Variants in PRKN observed in about 807,000 individuals in gnomAD.
PRKN encodes the protein parkin RBR E3 ubiquitin protein ligase.
A neutral mutation model predicts 59.5 loss-of-function variants in PRKN; 56 were observed. That is an observed-to-expected ratio of 0.94 (90% CI 0.76 to 1.18). PRKN has a LOEUF of 1.18. PRKN is among the 50% of genes most tolerant of loss of function. The probability of loss-of-function intolerance (pLI) is 0.00; values close to 1 mark genes in which losing one functional copy is unlikely to be tolerated. For synonymous variants in PRKN, 250 were observed against 222.1 expected, an observed-to-expected ratio of 1.13 and a Z score of -1.12; for missense variants, 657 against 596.4, an observed-to-expected ratio of 1.10 and a Z score of -1.06.
At chr6:162,227,367 T>C (rs931540400) in intron 3 of PRKN, among the ~76,000 whole-genome samples, 1 of 152,182 alleles carries the variant, frequency 6.6e-6, no homozygotes, top group Non-Finnish European at 1.5e-5. Flanking sequence ...TTATCTGGAA[T>C]AATTTAGCTA....
At chr6:162,557,139 A>T (rs1250480449) in intron 1 of PRKN, among the ~76,000 whole-genome samples, 1 of 152,220 alleles carries the variant, frequency 6.6e-6, no homozygotes, top group African/African-American at 2.4e-5. Context: ...CTTTTGCCCA[A>T]TGTGAACATC....
intron 1 of PRKN, among the ~76,000 whole-genome samples, chr6:162,540,360 AC>A (rs1778880294): frequency 6.6e-6 from 1 of 152,014 alleles, no homozygotes; most frequent in Admixed American, 6.6e-5. Flanking sequence ...CTCCTAAGCC[AC>A]CATGCCCGGC....
intron 6 of PRKN, among the ~76,000 whole-genome samples, chr6:161,818,934 CT>C (rs1791904158): frequency 6.6e-6 from 1 of 151,254 alleles, no homozygotes. Context: ...TGAAGAGGGC[CT>C]TATCCATCTA....
intron 6 of PRKN, among the ~76,000 whole-genome samples, chr6:161,841,421 C>G (rs1482963106): frequency 6.6e-6 from 1 of 151,648 alleles, no homozygotes; most frequent in Non-Finnish European, 1.5e-5. Context: ...GTAATCTCTG[C>G]TCACAGTAAA....
At chr6:161,720,976 G>A (rs948628646) in intron 7 of PRKN, among the ~76,000 whole-genome samples, 2 of 152,068 alleles carry the variant, frequency 1.3e-5, no homozygotes, top group African/African-American at 4.8e-5. Flanking sequence ...TAAAGCTTTT[G>A]GACTTAGGCT....
intron 1 of PRKN, among the ~76,000 whole-genome samples, chr6:162,531,251 G>A (rs1270617355): frequency 1.3e-5 from 2 of 151,912 alleles, no homozygotes; most frequent in African/African-American, 2.4e-5. Flanking sequence ...CCAGCTACTC[G>A]GGAGGCTGAG....
At chr6:162,705,655 A>G (rs192942082) in intron 1 of PRKN, among the ~76,000 whole-genome samples, 120 of 152,336 alleles carry the variant, frequency 7.9e-4, no homozygotes, top group Non-Finnish European at 2.1e-4. Flanking sequence ...AATAGCTCAT[A>G]AAGTTTACAA....
chr6:161,461,584 A>G lies in PRKN; in HGVS notation c.1084-74707T>C, dbSNP rs1256628785. On this transcript the variant is annotated intron_variant, in intron 9 of 11. Coordinates refer to ENST00000366898, the MANE Select transcript of PRKN (RefSeq NM_004562.3). The surrounding 1 kb of genome is among the most constrained non-coding windows in gnomAD (Gnocchi z 5.1). The stretch of plus-strand genomic sequence containing the variant: ...ATGCAGGAATCACTGGCCTTCTGGA[A>G]TCAATCAGTTATCAGTCAGCCACTG... Among the ~76,000 whole-genome samples the G allele has an allele frequency of 1.3e-5, 2 of 152,124 alleles. No individual in the cohort carries two copies. The highest frequency in any genetic ancestry group is 2.9e-5 in the Non-Finnish European group (2 of 68,030).
At chr6:162,330,535 C>T (rs1358355925) in intron 2 of PRKN, among the ~76,000 whole-genome samples, 1 of 152,190 alleles carries the variant, frequency 6.6e-6, no homozygotes, top group African/African-American at 2.4e-5. Flanking sequence ...TTGAGTCTGT[C>T]ACTCAGGGCA....
intron 5 of PRKN, among the ~76,000 whole-genome samples, chr6:162,002,221 G>A (rs1416204777): frequency 6.6e-6 from 1 of 152,128 alleles, no homozygotes; most frequent in African/African-American, 2.4e-5. Flanking sequence ...GAAAGAGATT[G>A]TATAGAACTG....
At chr6:162,648,447 T>A (rs1008979791) in intron 1 of PRKN, among the ~76,000 whole-genome samples, 1 of 150,962 alleles carries the variant, frequency 6.6e-6, no homozygotes. Flanking sequence ...AGTGGTGCCA[T>A]CTTGACTCAC....
rs10214520 is a variant in PRKN, at chr6:161,429,532, T to A, written c.1084-42655A>T. On this transcript the variant is annotated intron_variant, in intron 9 of 11. Transcript: ENST00000366898. This position sits in a 1 kb window ranked among gnomAD's most constrained non-coding sequence, Gnocchi z 4.2. Reference sequence around the variant, plus strand: ...CTAGGATGTTGCTAGAAGAAGGAAATGGAAGCAAGTTCCAGAGCTCAGAAA... The same window carrying A: ...CTAGGATGTTGCTAGAAGAAGGAAAAGGAAGCAAGTTCCAGAGCTCAGAAA... 0.012 allele frequency among the ~76,000 whole-genome samples: 1,765 copies of A among 152,078 alleles called. 27 individuals are homozygous for A. Among genetic ancestry groups the A allele is most frequent in the African/African-American group, 0.039 (1,636 of 41,446 alleles).
Position 161,371,272 on chromosome 6 carries a change from C to G in PRKN, c.1168-11067G>C, listed in dbSNP as rs948053170. 6.6e-6 allele frequency among the ~76,000 whole-genome samples: 1 copy of G among 151,688 alleles called. No individual in the cohort carries two copies. The highest frequency in any genetic ancestry group is 2.4e-5 in the African/African-American group (1 of 41,250). The stretch of plus-strand genomic sequence containing the variant: ...CTCCACCTCCTGGGTTCAAATGATT[C>G]TGCTGCCTCGGCCTCTCAAGTAGCT... On this transcript the variant is annotated intron_variant, in intron 10 of 11. Coordinates refer to ENST00000366898, the MANE Select transcript of PRKN (RefSeq NM_004562.3). The surrounding 1 kb of genome is among the most constrained non-coding windows in gnomAD (Gnocchi z 5.5).
At chr6:162,722,156 T>C (rs1353242368) in intron 1 of PRKN, among the ~76,000 whole-genome samples, 1 of 152,144 alleles carries the variant, frequency 6.6e-6, no homozygotes, top group Admixed American at 6.6e-5. Flanking sequence ...ATACAACCTA[T>C]GTGTACCCAT....
intron 1 of PRKN, among the ~76,000 whole-genome samples, chr6:162,531,448 G>A (rs1282731309): frequency 6.6e-6 from 1 of 152,138 alleles, no homozygotes. Context: ...TCAGGGAGCA[G>A]AGTGTTTAAG....
intron 2 of PRKN, among the ~76,000 whole-genome samples, chr6:162,384,294 C>T (rs1268666932): frequency 1.3e-5 from 2 of 152,164 alleles, no homozygotes; most frequent in Non-Finnish European, 2.9e-5. Context: ...CCTCCTTTCA[C>T]TTGAATGCTC....
At chr6:162,330,904 G>T (rs917319796) in intron 2 of PRKN, among the ~76,000 whole-genome samples, 1 of 152,178 alleles carries the variant, frequency 6.6e-6, no homozygotes, top group African/African-American at 2.4e-5. Context: ...GCCACTGAGT[G>T]GGTGGGAGGC....
chr6:162,289,468 G>T (rs940124594), intron 2 of PRKN, among the ~76,000 whole-genome samples: 16 of 151,888 alleles, frequency 1.1e-4, no homozygotes, highest in Admixed American at 1.1e-3. Context: ...GGGAGACTGA[G>T]GCAGGTGGAT....
chr6:161,866,048 T>C (rs1794098462), intron 6 of PRKN, among the ~76,000 whole-genome samples: 1 of 152,196 alleles, frequency 6.6e-6, no homozygotes, highest in African/African-American at 2.4e-5. Context: ...ATTGGTCTTA[T>C]TTCAATATTG....
Sources: allele counts gnomAD v4.1 joint callset (sites outside exome capture counted in the v4.1 genomes callset), GRCh38; gene constraint gnomAD v4.1.1; non-coding constraint Gnocchi (gnomAD v3.1); transcripts MANE v1.5; gene names NCBI Gene and HGNC (gene_info 2026-07-23, HGNC 2026-07-21).